The following SULT1B1 variants were observed in gnomAD, a reference collection of about 807,000 sequenced individuals.
SULT1B1 encodes the protein sulfotransferase family 1B member 1.
In SULT1B1, 28 loss-of-function variants were observed where a neutral mutation model predicts 34.6. The observed-to-expected ratio is 0.81, with a 90% confidence interval of 0.60 to 1.11. SULT1B1 has a LOEUF of 1.11. Among genes scored for constraint, SULT1B1 ranks in the 50% least tolerant of loss-of-function variants. The probability of loss-of-function intolerance (pLI) is 0.00; values close to 1 mark genes in which losing one functional copy is unlikely to be tolerated. For synonymous variants in SULT1B1, 147 were observed against 110.2 expected (o/e 1.33, Z -2.09); for missense variants, 374 against 352.2 (o/e 1.06, Z -0.50).
intron 4 of SULT1B1, among the ~76,000 whole-genome samples, chr4:69,746,618 C>G (rs1560527903): frequency 6.6e-6 from 1 of 152,064 alleles, no homozygotes; most frequent in Admixed American, 6.5e-5. Context: ...TTACTGTATT[C>G]CTTGGATTGG....
intron 4 of SULT1B1, among the ~76,000 whole-genome samples, chr4:69,749,123 AAGG>A (rs1010301638): frequency 2.0e-5 from 3 of 152,028 alleles, no homozygotes; most frequent in African/African-American, 4.8e-5. Context: ...GACAAAAAAG[AAGG>A]AGAAGGCACA....
intron 4 of SULT1B1, among the ~76,000 whole-genome samples, chr4:69,743,485 C>A (rs1718630434): frequency 6.6e-6 from 1 of 152,172 alleles, no homozygotes; most frequent in South Asian, 2.1e-4. Flanking sequence ...GTCCACAGGA[C>A]CAGCAGCCCA....
rs1560517555 is a variant in SULT1B1 at position 69,726,030 on chromosome 4, GTACATATATATATATATATATATATA to G, written c.*1032_*1057del. On this transcript the variant is annotated 3_prime_UTR_variant, in exon 8 of 8. Coordinates refer to ENST00000310613, the MANE Select transcript of SULT1B1 (RefSeq NM_014465.4). Reference sequence around the variant, plus strand: ...GGAACTTAAAGTATAATAATAAAATGTACATATATATATATATATATATATATATATATATATATATATATATATAT... The same window carrying G: ...GGAACTTAAAGTATAATAATAAAATGTATATATATATATATATATATATAT... The G allele has an allele frequency of 2.4e-5, 1 of 42,032 alleles. No individual in the cohort carries two copies. Among genetic ancestry groups the G allele is most frequent in the Non-Finnish European group, 4.9e-5 (1 of 20,288 alleles). The allele number at this position is 42,032 out of a possible 1,614,324, so 2.6% of individuals were successfully genotyped here.
intron 7 of SULT1B1, among the ~76,000 whole-genome samples, chr4:69,727,675 T>C (rs1013997715): frequency 1.3e-5 from 2 of 152,034 alleles, no homozygotes; most frequent in African/African-American, 4.8e-5. Flanking sequence ...CTAGAATTTA[T>C]AAACAAGGAT....
At chr4:69,734,690 C>T (rs922442712) in intron 4 of SULT1B1, among the ~76,000 whole-genome samples, 13 of 150,774 alleles carry the variant, frequency 8.6e-5, no homozygotes, top group African/African-American at 3.2e-4. Flanking sequence ...AGTGAAATAC[C>T]GAGAAAAATA....
At chr4:69,752,773 G>T (rs1479935866) in intron 3 of SULT1B1, among the ~76,000 whole-genome samples, 1 of 152,184 alleles carries the variant, frequency 6.6e-6, no homozygotes, top group Admixed American at 6.5e-5. Context: ...AGAGGATTTG[G>T]ATATTTCTCT....
chr4:69,740,326 C>A (rs1718495241), intron 4 of SULT1B1, among the ~76,000 whole-genome samples: 1 of 152,166 alleles, frequency 6.6e-6, no homozygotes, highest in Non-Finnish European at 1.5e-5. Context: ...AGGAAACTTA[C>A]AATCATGGTG....
At position 69,724,675 on chromosome 4, in the gene SULT1B1, A is replaced by G. The variant is rs1183819335; in HGVS notation, c.*2413T>C. 6.6e-6 allele frequency: 1 copy of G among 152,288 alleles called. No homozygotes were observed. Among genetic ancestry groups the G allele is most frequent in the African/African-American group, 2.4e-5 (1 of 41,452 alleles). The allele number at this position is 152,288 out of a possible 1,614,324, so 9.4% of individuals were successfully genotyped here. A position where few individuals can be genotyped will look rare whatever the true frequency, so the allele number is the denominator to read the frequency against. ...CATGGTACTGGACCAAAACAGAGAT[A>G]TAGACCAATGGAACAGAACAGAGCC... is the stretch of plus-strand genomic sequence containing the variant. On this transcript the variant is annotated 3_prime_UTR_variant, in exon 8 of 8. Transcript: ENST00000310613.
chr4:69,751,174 T>C (rs1419780788), intron 3 of SULT1B1, among the ~76,000 whole-genome samples: 4 of 152,184 alleles, frequency 2.6e-5, no homozygotes, highest in Non-Finnish European at 5.9e-5. Context: ...GCAGCTACAG[T>C]CACTTTACCC....
In SULT1B1 at chr4:69,749,890, C is replaced by T. The variant is rs537127280; in HGVS notation, c.278-72G>A. 31 of 1,153,828 alleles carry T rather than the reference C, an allele frequency of 2.7e-5. No homozygotes were observed. In the African/African-American group the frequency reaches 3.7e-4, roughly 14 times the overall value. 71.5% of individuals were successfully genotyped at this position (1,153,828 alleles called of 1,614,324 possible). A position where few individuals can be genotyped will look rare whatever the true frequency, so the allele number is the denominator to read the frequency against. ...GGCTACGTTTCCTTATTTTGCCAAC[C>T]AGTTTTTCAAGACATTTTTGAGCAT... On this transcript the variant is annotated intron_variant, in intron 3 of 7. Transcript: ENST00000310613.
At chr4:69,727,603 GAC>G (rs1344714586) in intron 7 of SULT1B1, among the ~76,000 whole-genome samples, 2 of 151,892 alleles carry the variant, frequency 1.3e-5, no homozygotes, top group African/African-American at 4.8e-5. Context: ...TTGGAAACTA[GAC>G]AAAAAATTAG....
intron 3 of SULT1B1, among the ~76,000 whole-genome samples, chr4:69,753,838 C>G (rs12504382): frequency 0.064 from 9,689 of 152,234 alleles, 348 homozygotes; most frequent in Middle Eastern, 0.12. Context: ...TTTGGCCAAT[C>G]AAAGGTGGCC....
intron 4 of SULT1B1, among the ~76,000 whole-genome samples, chr4:69,740,094 G>C (rs567096305): frequency 1.3e-5 from 2 of 152,060 alleles, no homozygotes; most frequent in Admixed American, 6.5e-5. Flanking sequence ...TTTTCCTGTC[G>C]TCTTCTGAGT....
rs756017821 is a variant in SULT1B1 at position 69,726,033 on chromosome 4, C to CATATATATATATATAT, written c.*1039_*1054dup. The CATATATATATATATAT allele has an allele frequency of 1.7e-4, 5 of 29,174 alleles. No individual in the cohort carries two copies. Among genetic ancestry groups the CATATATATATATATAT allele is most frequent in the Non-Finnish European group, 3.3e-4 (4 of 12,040 alleles). The allele number at this position is 29,174 out of a possible 1,614,324, so 1.8% of individuals were successfully genotyped here. The stretch of plus-strand genomic sequence containing the variant: ...ACTTAAAGTATAATAATAAAATGTA[C>CATATATATATATATAT]ATATATATATATATATATATATATA... On this transcript the variant is annotated 3_prime_UTR_variant, in exon 8 of 8. Transcript: ENST00000310613.
intron 7 of SULT1B1, among the ~76,000 whole-genome samples, chr4:69,727,554 G>T (rs929968541): frequency 6.7e-6 from 1 of 149,308 alleles, no homozygotes; most frequent in Non-Finnish European, 1.5e-5. Context: ...TGAGCACTTG[G>T]ATCAATAGTC....
chr4:69,729,333 G>T (rs1039027126), intron 7 of SULT1B1, among the ~76,000 whole-genome samples: 3 of 151,944 alleles, frequency 2.0e-5, no homozygotes, highest in Admixed American at 2.0e-4. Context: ...TGTTTTGAGT[G>T]CCAATTTTCA....
At chr4:69,733,321 G>A (rs1447782869) in intron 6 of SULT1B1, 92 bp downstream of exon 6, 8 of 804,756 alleles carry the variant, frequency 9.9e-6, no homozygotes, top group Non-Finnish European at 1.5e-5. Context: ...CATCATTTTG[G>A]ACTCGATAGA....
Position 69,733,442 on chromosome 4 carries a change from G to A in SULT1B1, c.568C>T (p.Leu190Phe). The change falls in exon 6 of 8, where the codon CTT (leucine) becomes TTT (phenylalanine). Residue 190 changes from leucine (L) to phenylalanine (F), a missense_variant. Transcript: ENST00000310613. ...WWKKKEEHPI[L>F]FLYYEDMKEN... ...TTCATATCTTCATAGTACAAAAAAAGTATTGGGTGTTCTTCCTTTTTCTTC... is the reference window on the plus strand; with the variant it reads ...TTCATATCTTCATAGTACAAAAAAAATATTGGGTGTTCTTCCTTTTTCTTC... 6.2e-7 allele frequency: 1 copy of A among 1,607,986 alleles called. No individual in the cohort carries two copies. Among genetic ancestry groups the A allele is most frequent in the South Asian group, 1.1e-5 (1 of 90,038 alleles).
chr4:69,729,258 G>A lies in SULT1B1; in HGVS notation c.778+1243C>T, dbSNP rs563072763. Reference sequence around the variant, plus strand: ...TTGCGCTGGCCAGGTTCACTTATATGCAGTTTTTTTCCAACTAAAAGCAAT... The same window carrying A: ...TTGCGCTGGCCAGGTTCACTTATATACAGTTTTTTTCCAACTAAAAGCAAT... On this transcript the variant is annotated intron_variant, in intron 7 of 7. Coordinates refer to ENST00000310613, the MANE Select transcript of SULT1B1 (RefSeq NM_014465.4). 3.9e-5 allele frequency among the ~76,000 whole-genome samples: 6 copies of A among 152,092 alleles called. No individual in the cohort carries two copies. In the East Asian group the frequency reaches 7.7e-4, roughly 20 times the overall value.
Sources: gnomAD v4.1 joint callset for allele counts (sites outside exome capture counted in the v4.1 genomes callset) on GRCh38, gnomAD v4.1.1 for gene constraint, MANE v1.5 for transcripts, NCBI Gene and HGNC (gene_info 2026-07-23, HGNC 2026-07-21) for gene names.